Variants in PIR observed in about 807,000 individuals in gnomAD.
The protein encoded by PIR is pirin, also known as pirin (iron-binding nuclear protein).
In PIR, 22 loss-of-function variants were observed where a neutral mutation model predicts 24.2. The observed-to-expected ratio is 0.91, with a 90% CI of 0.65 to 1.30. The LOEUF is 1.30. PIR is among the 50% of genes most tolerant of loss of function. The probability of loss-of-function intolerance (pLI) is 0.00; values close to 1 mark genes in which losing one functional copy is unlikely to be tolerated. For synonymous variants in PIR, 80 were observed against 79.6 expected (o/e 1.00, Z -0.03); for missense variants, 220 against 220.3 (o/e 1.00, Z 0.01).
rs779413343 is a variant in PIR at position 15,425,935 on chromosome X, C to A, written c.536G>T (p.Gly179Val). The change falls in exon 6 of 10, where the codon GGA becomes GTA. Residue 179 changes from glycine to valine, a missense_variant. Coordinates refer to ENST00000380420, the MANE Select transcript of PIR (RefSeq NM_001018109.3). Reference sequence around the variant, plus strand: ...AGGGATAGGTTGGGAATGTTTGGCTCCTGGGTCCAATTTGAAGTCCAAATA... The same window carrying A: ...AGGGATAGGTTGGGAATGTTTGGCTACTGGGTCCAATTTGAAGTCCAAATA... Reference protein sequence around the residue: ...TLYLDFKLDPGAKHSQPIPKG... With the variant: ...TLYLDFKLDPVAKHSQPIPKG... 8.4e-7 allele frequency: 1 copy of A among 1,196,719 alleles called. No individual in the cohort carries two copies. Among genetic ancestry groups the A allele is most frequent in the Non-Finnish European group, 1.1e-6 (1 of 882,217 alleles).
chrX:15,404,436 G>A (rs1417070303), intron 7 of PIR, among the ~76,000 whole-genome samples: 1 of 112,213 alleles, frequency 8.9e-6, no homozygotes, highest in Admixed American at 9.5e-5. Flanking sequence ...AGTCTCCTCA[G>A]ATTATTTCCT....
intron 5 of PIR, among the ~76,000 whole-genome samples, chrX:15,438,098 C>T (rs1201940795): frequency 8.9e-6 from 1 of 112,609 alleles, no homozygotes; most frequent in Non-Finnish European, 1.9e-5. Context: ...ATATGGCCTC[C>T]TGTGTATCCA....
chrX:15,386,169 G>A (rs1923743432), intron 9 of PIR, among the ~76,000 whole-genome samples: 2 of 112,322 alleles, frequency 1.8e-5, no homozygotes, highest in African/African-American at 6.5e-5. Context: ...GCTCTAAGGG[G>A]CTTTCTCTGG....
chrX:15,452,545 C>T (rs781585356), intron 5 of PIR, among the ~76,000 whole-genome samples: 2 of 111,962 alleles, frequency 1.8e-5, no homozygotes, highest in Non-Finnish European at 3.8e-5. Context: ...CCCCCCTCAC[C>T]TTTTTTGTGG....
At chrX:15,425,859 C>CTTT in intron 6 of PIR, 47 bp downstream of exon 6, 1 of 680,330 alleles carries the variant, frequency 1.5e-6, no homozygotes. Context: ...TTTTTCTTTT[C>CTTT]TTTTTTTTTT....
chrX:15,385,631 G>A (rs1350009149), intron 9 of PIR, among the ~76,000 whole-genome samples: 1 of 112,074 alleles, frequency 8.9e-6, no homozygotes, highest in African/African-American at 3.2e-5. Flanking sequence ...ATTTCAAGTC[G>A]AAGAGCATCA....
rs372722492 is a variant in PIR at position 15,398,658 on chromosome X, TGAG to T, written c.611-1130_611-1128del. 4.6e-3 allele frequency among the ~76,000 whole-genome samples: 255 copies of T among 56,037 alleles called. 2 individuals are homozygous for T. Among genetic ancestry groups the T allele is most frequent in the African/African-American group, 0.014 (244 of 17,883 alleles). 48.7% of individuals were successfully genotyped at this position (56,037 alleles called of 115,157 possible). A position where few individuals can be genotyped will look rare whatever the true frequency, so the allele number is the denominator to read the frequency against. On this transcript the variant is annotated intron_variant, in intron 7 of 9. Transcript: ENST00000380420. ...TTATCTGTATAAAATTGACAGCCCTTGAGGAGGGAGGGTGTGTGTGTGTGTGTG... is the reference window on the plus strand; with the variant it reads ...TTATCTGTATAAAATTGACAGCCCTTGAGGGAGGGTGTGTGTGTGTGTGTG...
chrX:15,414,623 GA>G (rs1436139982), intron 6 of PIR, among the ~76,000 whole-genome samples: 2 of 111,672 alleles, frequency 1.8e-5, no homozygotes, highest in East Asian at 5.6e-4. Flanking sequence ...AATTAGCAGG[GA>G]AAGTCATAAA....
chrX:15,409,873 C>G (rs1167490353), intron 6 of PIR, among the ~76,000 whole-genome samples: 1 of 111,466 alleles, frequency 9.0e-6, no homozygotes, highest in Non-Finnish European at 1.9e-5. Context: ...CATTCCTACC[C>G]TGACATAAAT....
chrX:15,396,503 T>A (rs1924142092), intron 8 of PIR, among the ~76,000 whole-genome samples: 1 of 111,572 alleles, frequency 9.0e-6, no homozygotes. Context: ...TTGCACAATT[T>A]TCTCCTCAAT....
intron 8 of PIR, among the ~76,000 whole-genome samples, chrX:15,395,351 T>G (rs1924095795): frequency 1.8e-5 from 2 of 112,167 alleles, no homozygotes; most frequent in African/African-American, 6.5e-5. Flanking sequence ...AAACCAAACC[T>G]TTTCTGTAAA....
chrX:15,403,997 T>A (rs985059961), intron 7 of PIR, among the ~76,000 whole-genome samples: 3 of 107,836 alleles, frequency 2.8e-5, no homozygotes, highest in African/African-American at 1.0e-4. Flanking sequence ...CATTTTCTTT[T>A]TTTTTTTTTT....
At chrX:15,444,020 A>G (rs773398859) in intron 5 of PIR, among the ~76,000 whole-genome samples, 1 of 112,918 alleles carries the variant, frequency 8.9e-6, no homozygotes, top group South Asian at 3.6e-4. Context: ...AAAATATCAC[A>G]TAAACTCAGT....
rs1267628257 is a variant in PIR at position 15,425,996 on chromosome X, A to G, written c.481-6T>C. The G allele has an allele frequency of 9.0e-7, 1 of 1,111,016 alleles. No homozygotes were observed. 91.6% of individuals were successfully genotyped at this position (1,111,016 alleles called of 1,213,427 possible). On this transcript the variant is annotated splice_polypyrimidine_tract_variant and splice_region_variant and intron_variant, in intron 5 of 9. Transcript: ENST00000380420. ...GTGCGAGTGTAAACCTTGGACTGAA[A>G]AGGAAAAGGAAACCATCAGTGTTTT...
intron 7 of PIR, among the ~76,000 whole-genome samples, chrX:15,398,741 A>C (rs1924278689): frequency 1.3e-5 from 1 of 78,246 alleles, no homozygotes; most frequent in Non-Finnish European, 2.6e-5. Flanking sequence ...TGGAGAAATG[A>C]CTATGATGGC....
rs868427432 is a variant in PIR at position 15,434,714 on chromosome X, G to T, written c.481-8724C>A. ...TCTCATCAATTTACATGAGAGGTTT[G>T]TTTTTTTTTTTTTTCAATAAAGTAA... On this transcript the variant is annotated intron_variant, in intron 5 of 9. Coordinates refer to ENST00000380420, the MANE Select transcript of PIR (RefSeq NM_001018109.3). 9.8e-3 allele frequency among the ~76,000 whole-genome samples: 912 copies of T among 92,957 alleles called. 11 individuals carry two copies. Among genetic ancestry groups the T allele is most frequent in the African/African-American group, 0.032 (832 of 25,701 alleles). The allele number at this position is 92,957 out of a possible 115,157, so 80.7% of individuals were successfully genotyped here.
Position 15,388,107 on chromosome X carries a change from G to C in PIR, c.760+2078C>G, listed in dbSNP as rs1923833555. Among the ~76,000 whole-genome samples the C allele has an allele frequency of 2.7e-5, 3 of 112,179 alleles. No homozygotes were observed. The South Asian group carries it at 1.1e-3, about 42-fold the overall frequency. On this transcript the variant is annotated intron_variant, in intron 9 of 9. Coordinates refer to ENST00000380420, the MANE Select transcript of PIR (RefSeq NM_001018109.3). The stretch of plus-strand genomic sequence containing the variant: ...GTTTTTAAATTGATCAACTACAAGG[G>C]TTGTGAACAAGAAAATTATTTGATA...
intron 2 of PIR, among the ~76,000 whole-genome samples, chrX:15,482,149 G>A (rs945513325): frequency 1.7e-4 from 19 of 112,112 alleles, no homozygotes; most frequent in Non-Finnish European, 1.7e-4. Flanking sequence ...TCCTATTATA[G>A]AGAAGGAATG....
intron 6 of PIR, among the ~76,000 whole-genome samples, chrX:15,422,053 CATT>C (rs1239063810): frequency 9.0e-6 from 1 of 111,293 alleles, no homozygotes; most frequent in Non-Finnish European, 1.9e-5. Context: ...GAAAAAACAT[CATT>C]ATTTCAATAG....
Sources: allele counts gnomAD v4.1 joint callset (sites outside exome capture counted in the v4.1 genomes callset), GRCh38; gene constraint gnomAD v4.1.1; transcripts MANE v1.5; gene names NCBI Gene and HGNC (gene_info 2026-07-23, HGNC 2026-07-21).